USP15: variants seen among roughly 807,000 people sequenced by gnomAD.
USP15 encodes the protein ubiquitin carboxyl-terminal hydrolase 15.
Under a neutral mutation model 127.1 loss-of-function variants are expected in USP15, and 18 were observed. The ratio of observed to expected loss-of-function variants is 0.14; its 90% CI spans 0.10 to 0.21. The LOEUF is 0.21. Ranked by LOEUF, USP15 falls within the 10% of genes least tolerant of loss-of-function variation. The pLI is 1.00. For missense variants in USP15, 805 were observed against 1,159.9 expected, an observed-to-expected ratio of 0.69 and a Z score of 4.44; for synonymous variants, 364 against 393.7, an observed-to-expected ratio of 0.92 and a Z score of 0.89.
chr12:62,412,440 A>T lies in USP15; in HGVS notation c.*8065A>T, dbSNP rs1347779905. ...TTTCTCTGGCATGCAGTGCTATTTG[A>T]TAATATTTGATACCCACAGTAGAAC... On this transcript the variant is annotated 3_prime_UTR_variant, in exon 22 of 22. Transcript: ENST00000280377. 1 of 152,352 alleles carries T rather than the reference A, an allele frequency of 6.6e-6. No homozygotes were observed. The highest frequency in any genetic ancestry group is 1.5e-5 in the Non-Finnish European group (1 of 68,174). The allele number at this position is 152,352 out of a possible 1,614,324, so 9.4% of individuals were successfully genotyped here. A position where few individuals can be genotyped will look rare whatever the true frequency, so the allele number is the denominator to read the frequency against.
intron 8 of USP15, among the ~76,000 whole-genome samples, chr12:62,370,223 G>T (rs1362263808): frequency 6.6e-6 from 1 of 152,026 alleles, no homozygotes; most frequent in Admixed American, 6.6e-5. Flanking sequence ...GAGCCACCAC[G>T]CCTGGCCTTG....
chr12:62,326,056 TTGAG>T (rs1382080022), intron 6 of USP15, 123 bp downstream of exon 6: 6 of 778,326 alleles, frequency 7.7e-6, no homozygotes, highest in East Asian at 5.6e-5. Flanking sequence ...TTGTTTATAT[TTGAG>T]TATTTTGTTC....
intron 8 of USP15, among the ~76,000 whole-genome samples, chr12:62,375,932 C>T (rs1266488155): frequency 6.6e-6 from 1 of 152,114 alleles, no homozygotes; most frequent in African/African-American, 2.4e-5. Flanking sequence ...TTCATAATAG[C>T]TCATGTCCTA....
intron 6 of USP15, among the ~76,000 whole-genome samples, chr12:62,346,038 C>T (rs746167377): frequency 5.9e-5 from 9 of 152,118 alleles, no homozygotes; most frequent in Non-Finnish European, 8.8e-5. Flanking sequence ...TTCACATAAC[C>T]ACACGTAGTC....
chr12:62,345,591 A>G (rs1209039256), intron 6 of USP15, among the ~76,000 whole-genome samples: 2 of 152,162 alleles, frequency 1.3e-5, no homozygotes, highest in Admixed American at 1.3e-4. Flanking sequence ...AAAGTTGCTT[A>G]CACATTTTCG....
chr12:62,339,023 C>A (rs1189769203), intron 6 of USP15, among the ~76,000 whole-genome samples: 1 of 151,992 alleles, frequency 6.6e-6, no homozygotes, highest in East Asian at 1.9e-4. Context: ...AATGTCAATT[C>A]AATGGGGATA....
intron 8 of USP15, among the ~76,000 whole-genome samples, chr12:62,378,758 T>A (rs2066905401): frequency 1.3e-5 from 2 of 152,172 alleles, no homozygotes; most frequent in African/African-American, 4.8e-5. Context: ...CTTGAAGATA[T>A]TTTTGAGATT....
At chr12:62,321,697 C>G in intron 5 of USP15, 88 bp downstream of exon 5, 2 of 1,113,758 alleles carry the variant, frequency 1.8e-6, no homozygotes, top group Non-Finnish European at 2.4e-6. Flanking sequence ...ATATAATGGG[C>G]TGTACTGTTT....
chr12:62,371,808 C>A (rs1341390446), intron 8 of USP15, among the ~76,000 whole-genome samples: 1 of 152,080 alleles, frequency 6.6e-6, no homozygotes, highest in Non-Finnish European at 1.5e-5. Context: ...TGGAGCTAAT[C>A]ATTTGAAAAC....
chr12:62,364,647 G>A (rs1592674042), intron 8 of USP15, among the ~76,000 whole-genome samples: 1 of 151,988 alleles, frequency 6.6e-6, no homozygotes, highest in East Asian at 1.9e-4. Context: ...GTGCCAAGGT[G>A]GTTTGCTGTA....
chr12:62,378,800 G>A (rs532969547), intron 8 of USP15, among the ~76,000 whole-genome samples: 2 of 152,194 alleles, frequency 1.3e-5, no homozygotes, highest in African/African-American at 4.8e-5. Flanking sequence ...CCTCCATTTA[G>A]TAAGTAGTAT....
Position 62,326,005 on chromosome 12 carries a change from A to G in USP15, c.683+72A>G, listed in dbSNP as rs559546849. The G allele has an allele frequency of 3.8e-6, 5 of 1,314,104 alleles. No individual in the cohort carries two copies. In the African/African-American group the frequency reaches 4.4e-5, roughly 12 times the overall value. 81.4% of individuals were successfully genotyped at this position (1,314,104 alleles called of 1,614,324 possible). A position where few individuals can be genotyped will look rare whatever the true frequency, so the allele number is the denominator to read the frequency against. The stretch of plus-strand genomic sequence containing the variant: ...TTGATGCTAGATAATCAAATCCACA[A>G]TGATAGAAGAACCTAGATGTGTATT... On this transcript the variant is annotated intron_variant, in intron 6 of 21. Transcript: ENST00000280377.
At chr12:62,390,630 AAACATTT>A (rs146112737) in intron 14 of USP15, among the ~76,000 whole-genome samples, 2 of 152,288 alleles carry the variant, frequency 1.3e-5, no homozygotes, top group African/African-American at 4.8e-5. Flanking sequence ...TATTTGCAAC[AAACATTT>A]AACATTTAAC....
rs979331695 is a variant in USP15, at chr12:62,408,806, T to A, written c.*4431T>A. 2 of 152,062 alleles carry A rather than the reference T, an allele frequency of 1.3e-5. No homozygotes were observed. Among genetic ancestry groups the A allele is most frequent in the Non-Finnish European group, 2.9e-5 (2 of 67,996 alleles). 9.4% of individuals were successfully genotyped at this position (152,062 alleles called of 1,614,324 possible). A position where few individuals can be genotyped will look rare whatever the true frequency, so the allele number is the denominator to read the frequency against. ...TCTAGTGAGAAATATATATGATGGT[T>A]TTTTAATAATCATTTTAGGTTTGGA... On this transcript the variant is annotated 3_prime_UTR_variant, in exon 22 of 22. Coordinates refer to ENST00000280377, the MANE Select transcript of USP15 (RefSeq NM_001252078.2).
rs900936199 is a variant in USP15, at chr12:62,412,411, G to A, written c.*8036G>A. The A allele has an allele frequency of 6.6e-6, 1 of 152,188 alleles. No homozygotes were observed. Among genetic ancestry groups the A allele is most frequent in the African/African-American group, 2.4e-5 (1 of 41,434 alleles). 9.4% of individuals were successfully genotyped at this position (152,188 alleles called of 1,614,324 possible). A position where few individuals can be genotyped will look rare whatever the true frequency, so the allele number is the denominator to read the frequency against. On this transcript the variant is annotated 3_prime_UTR_variant, in exon 22 of 22. Coordinates refer to ENST00000280377, the MANE Select transcript of USP15 (RefSeq NM_001252078.2). ...CATCAATTGACTCTTCCTTTTACAA[G>A]AGATTTCTCTGGCATGCAGTGCTAT...
At chr12:62,330,585 CAAAA>C (rs559515896) in intron 6 of USP15, among the ~76,000 whole-genome samples, 2 of 95,440 alleles carry the variant, frequency 2.1e-5, no homozygotes. Context: ...GACTCCATCT[CAAAA>C]AAAAAAAAAA....
chr12:62,307,690 A>T (rs1241020941), intron 3 of USP15, among the ~76,000 whole-genome samples: 2 of 152,162 alleles, frequency 1.3e-5, no homozygotes, highest in Non-Finnish European at 2.9e-5. Flanking sequence ...TCTGAGTAAC[A>T]TGATGCCATC....
chr12:62,270,456 T>A (rs749904162), intron 1 of USP15, among the ~76,000 whole-genome samples: 13 of 152,136 alleles, frequency 8.5e-5, no homozygotes, highest in Non-Finnish European at 1.9e-4. Flanking sequence ...TCATGAGGAT[T>A]TACTCATATA....
intron 3 of USP15, among the ~76,000 whole-genome samples, chr12:62,305,289 CTAA>C (rs2064449539): frequency 6.6e-6 from 1 of 151,984 alleles, no homozygotes; most frequent in African/African-American, 2.4e-5. Context: ...AAAAAAATTT[CTAA>C]TAATAGCCAG....
Sources: allele counts gnomAD v4.1 joint callset (sites outside exome capture counted in the v4.1 genomes callset), GRCh38; gene constraint gnomAD v4.1.1; transcripts MANE v1.5; gene names NCBI Gene and HGNC (gene_info 2026-07-23, HGNC 2026-07-21).